PKD1: variants seen among roughly 807,000 people sequenced by gnomAD.
The protein encoded by PKD1 is polycystin 1, transient receptor potential channel interacting.
A neutral mutation model predicts 361.7 loss-of-function variants in PKD1; 81 were observed. The observed-to-expected ratio is 0.22, with a 90% CI of 0.19 to 0.27. PKD1 has a LOEUF of 0.27. PKD1 is among the 10% of genes least tolerant of loss of function. The probability of loss-of-function intolerance (pLI) is 1.00; values close to 1 mark genes in which losing one functional copy is unlikely to be tolerated. For missense variants in PKD1, 6,399 were observed against 6,118.3 expected (o/e 1.05, Z -1.53); for synonymous variants, 3,615 against 2,818.3 (o/e 1.28, Z -8.95).
intron 1 of PKD1, among the ~76,000 whole-genome samples, chr16:2,130,061 G>A (rs1441477546): frequency 6.6e-6 from 1 of 152,178 alleles, no homozygotes; most frequent in African/African-American, 2.4e-5. Flanking sequence ...TCGCGTACAG[G>A]AGTGAGCGTG....
intron 1 of PKD1, among the ~76,000 whole-genome samples, chr16:2,120,756 C>G (rs1161380793): frequency 6.6e-6 from 1 of 152,168 alleles, no homozygotes; most frequent in East Asian, 1.9e-4. Flanking sequence ...CGGTGGCTCA[C>G]TCCTGTAATG....
At chr16:2,092,931 AC>A in intron 38 of PKD1, 22 bp downstream of exon 38, 1 of 1,612,754 alleles carries the variant, frequency 6.2e-7, no homozygotes, top group Non-Finnish European at 8.5e-7. Flanking sequence ...CAGAAGACAG[AC>A]CAGTGCACCG....
Position 2,108,384 on chromosome 16 carries a change from C to T in PKD1, c.6783G>A (p.Glu2261=). ...CTGACCACACGCGGTATGAGCCACC[C>T]TCAATGATGGGCACCAGGCGCTCGG... ...VAPERLVPII[E]GGSYRVWSDT... Residue 2261 remains glutamate (E), a synonymous_variant, in exon 15 of 46, where the codon GAG becomes GAA. Transcript: ENST00000262304. 1.9e-6 allele frequency: 3 copies of T among 1,610,606 alleles called. No homozygotes were observed. The highest frequency in any genetic ancestry group is 1.7e-6 in the Non-Finnish European group (2 of 1,179,758).
At position 2,100,775 on chromosome 16, in the gene PKD1, T is replaced by C. The variant is rs1410112173; in HGVS notation, c.9398-209A>G. The C allele has an allele frequency of 1.7e-5, 10 of 594,388 alleles. 1 individual carries two copies. Among genetic ancestry groups the C allele is most frequent in the Admixed American group, 5.8e-5 (2 of 34,504 alleles). The allele number at this position is 594,388 out of a possible 1,614,324, so 36.8% of individuals were successfully genotyped here. ...ACCTCAAGGACATGATTAAGTTACATGGAAAGAACTGTAACTTGTGACATG... is the reference window on the plus strand; with the variant it reads ...ACCTCAAGGACATGATTAAGTTACACGGAAAGAACTGTAACTTGTGACATG... On this transcript the variant is annotated intron_variant, in intron 26 of 45. Coordinates refer to ENST00000262304, the MANE Select transcript of PKD1 (RefSeq NM_001009944.3). The surrounding 1 kb of genome is among the most constrained non-coding windows in gnomAD (Gnocchi z 4.4).
rs375044150 is a variant in PKD1 at position 2,110,445 on chromosome 16, G to A, written c.4722C>T (p.Ala1574=). ...GSVSFSTSLE[A]GSDVRYSWVL... Reference sequence around the variant, plus strand: ...CCCAGGAATAGCGCACATCACTGCCGGCCTCCAGCGACGTGCTGAAGCTCA... The same window carrying A: ...CCCAGGAATAGCGCACATCACTGCCAGCCTCCAGCGACGTGCTGAAGCTCA... Residue 1574 remains alanine (A), a synonymous_variant, in exon 15 of 46, where the codon GCC becomes GCT. Coordinates refer to ENST00000262304, the MANE Select transcript of PKD1 (RefSeq NM_001009944.3). 1.6e-5 allele frequency: 26 copies of A among 1,612,458 alleles called. No homozygotes were observed. Among genetic ancestry groups the A allele is most frequent in the African/African-American group, 5.3e-5 (4 of 74,928 alleles).
rs757842622 is a variant in PKD1, at chr16:2,109,675, G to C, written c.5492C>G (p.Thr1831Arg). 6.9e-6 allele frequency: 11 copies of C among 1,586,526 alleles called. No individual in the cohort carries two copies. Among genetic ancestry groups the C allele is most frequent in the Admixed American group, 1.8e-5 (1 of 55,892 alleles). ...SSVPFWGQLATGTNVSWCWAV... is the reference protein window; with the variant it reads ...SSVPFWGQLARGTNVSWCWAV... ...CCAGCACCAGCTCACATTGGTGCCC[G>C]TGGCCAGCTGCCCCCAAAAGGGCAC... is the stretch of plus-strand genomic sequence containing the variant. The change falls in exon 15 of 46, where the codon ACG becomes AGG. Residue 1831 changes from threonine to arginine, a missense_variant. Thr to Arg is a moderately conservative substitution (Grantham distance 71, BLOSUM62 -1). Coordinates refer to ENST00000262304, the MANE Select transcript of PKD1 (RefSeq NM_001009944.3).
At position 2,092,070 on chromosome 16, in the gene PKD1, G is replaced by C. The variant is rs149331148; in HGVS notation, c.11388C>G (p.Ala3796=). The C allele has an allele frequency of 2.0e-4, 319 of 1,612,780 alleles. 2 individuals carry two copies. In the Middle Eastern group the frequency reaches 2.3e-3, roughly 12 times the overall value. ...ESPHNGSGTW[A]YSAPDLLGAW... The stretch of plus-strand genomic sequence containing the variant: ...ACCCCAGCAGATCCGGCGCTGAATA[G>C]GCCCACGTCCCCGAGCCATTGTGAG... Residue 3796 remains alanine (A), a synonymous_variant, in exon 40 of 46, where the codon GCC becomes GCG. Coordinates refer to ENST00000262304, the MANE Select transcript of PKD1 (RefSeq NM_001009944.3).
In PKD1 at chr16:2,097,861, T is replaced by C. The variant is rs3869438; in HGVS notation, c.10167+7A>G. On this transcript the variant is annotated splice_region_variant and intron_variant, in intron 31 of 45. Transcript: ENST00000262304. ...GCCCAGCCCAGGACCCCCAGTAGAG[T>C]CCTCACCTCAGCGTGGAGGCCTGAG... is the stretch of plus-strand genomic sequence containing the variant. 32 of 1,606,676 alleles carry C rather than the reference T, an allele frequency of 2.0e-5. No homozygotes were observed. Among genetic ancestry groups the C allele is most frequent in the East Asian group, 4.5e-5 (2 of 44,856 alleles).
chr16:2,098,012 G>T (rs2091917000), intron 30 of PKD1, 28 bp from the exon 31 acceptor site: 3 of 1,355,352 alleles, frequency 2.2e-6, no homozygotes, highest in African/African-American at 2.9e-5. Flanking sequence ...TGGTCAGCGG[G>T]CGGCAGCTCA....
At position 2,100,431 on chromosome 16, in the gene PKD1, C is replaced by A. The variant is rs199738488; in HGVS notation, c.9533G>T (p.Ser3178Ile). Residue 3178 changes from serine (S) to isoleucine (I), a missense_variant, in exon 27 of 46, where the codon AGC becomes ATC. Coordinates refer to ENST00000262304, the MANE Select transcript of PKD1 (RefSeq NM_001009944.3). The surrounding 1 kb of genome is among the most constrained non-coding windows in gnomAD (Gnocchi z 4.4). The part of the protein sequence containing the change: ...FRIATPHSLG[S>I]VWKIRVWHDN... The stretch of plus-strand genomic sequence containing the variant: ...GTGCCACACTCGGATCTTCCACACG[C>A]TACCCAGGCTGTGCGGGGTGGCGAT... 4.0e-5 allele frequency: 65 copies of A among 1,611,110 alleles called. No individual in the cohort carries two copies. The highest frequency in any genetic ancestry group is 4.6e-5 in the Non-Finnish European group (54 of 1,179,776).
In PKD1 at chr16:2,090,887, G is replaced by A; in HGVS notation, c.12000C>T (p.Val4000=). 1 of 1,603,478 alleles carries A rather than the reference G, an allele frequency of 6.2e-7. No individual in the cohort carries two copies. Among genetic ancestry groups the A allele is most frequent in the Non-Finnish European group, 8.5e-7 (1 of 1,179,356 alleles). ...LAASLLFLLL[V]KAAQQLRFVR... is the part of the protein sequence containing the mutation. ...CGCCCACCGGCCCAGCCCTCACCTT[G>A]ACCAAAAGCAGGAAGAGCAGCGAGG... The change falls in exon 43 of 46, where the codon GTC becomes GTT. Residue 4000 remains valine (V), a synonymous_variant. Coordinates refer to ENST00000262304, the MANE Select transcript of PKD1 (RefSeq NM_001009944.3).
At chr16:2,114,136 T>A (rs1376137152) in intron 11 of PKD1, 34 bp downstream of exon 11, 1 of 1,584,262 alleles carries the variant, frequency 6.3e-7, no homozygotes, top group African/African-American at 1.3e-5. Context: ...GGCACCTGCC[T>A]GGGGGCTGGT....
rs1036702689 is a variant in PKD1, at chr16:2,091,917, G to C, written c.11412-11C>G. 2 of 1,611,470 alleles carry C rather than the reference G, an allele frequency of 1.2e-6. No homozygotes were observed. Among genetic ancestry groups the C allele is most frequent in the African/African-American group, 1.3e-5 (1 of 74,916 alleles). ...CCCCAGGACCATGCCCTGCCGGAGA[G>C]GGGTGGCGTGGGTGCCGCACCCCAG... On this transcript the variant is annotated splice_polypyrimidine_tract_variant and intron_variant, in intron 40 of 45. Transcript: ENST00000262304.
intron 34 of PKD1, chr16:2,094,942 G>A (rs2091781837): frequency 6.6e-6 from 1 of 152,286 alleles, no homozygotes. Context: ...GGGTCACACT[G>A]CACTGAATGC....
Position 2,100,885 on chromosome 16 carries a change from C to T in PKD1, c.9398-319G>A, listed in dbSNP as rs565302086. 4.3e-4 allele frequency: 198 copies of T among 455,790 alleles called. No individual in the cohort carries two copies. The highest frequency in any genetic ancestry group is 6.8e-4 in the Non-Finnish European group (166 of 245,392). The allele number at this position is 455,790 out of a possible 1,614,324, so 28.2% of individuals were successfully genotyped here. ...GTCCACGCCTCAGTCATGCCACAAC[C>T]GGTGACCCGCACCACACACCCGTCC... On this transcript the variant is annotated intron_variant, in intron 26 of 45. Coordinates refer to ENST00000262304, the MANE Select transcript of PKD1 (RefSeq NM_001009944.3). The surrounding 1 kb of genome is among the most constrained non-coding windows in gnomAD (Gnocchi z 4.4).
intron 1 of PKD1, among the ~76,000 whole-genome samples, chr16:2,126,821 G>C (rs1053887767): frequency 6.6e-6 from 1 of 152,262 alleles, no homozygotes; most frequent in Non-Finnish European, 1.5e-5. Flanking sequence ...CCCACGAGCA[G>C]GGGGAGAGGC....
rs1382027473 is a variant in PKD1, at chr16:2,117,853, C to T, written c.1139G>A (p.Arg380His). The T allele has an allele frequency of 5.4e-6, 7 of 1,295,156 alleles. No homozygotes were observed. The highest frequency in any genetic ancestry group is 2.5e-5 in the East Asian group (1 of 39,736). 80.2% of individuals were successfully genotyped at this position (1,295,156 alleles called of 1,614,324 possible). Residue 380 changes from arginine to histidine, a missense_variant, in exon 5 of 46, where the codon CGC becomes CAC. Physicochemically the swap from Arg to His is conservative, Grantham distance 29. Coordinates refer to ENST00000262304, the MANE Select transcript of PKD1 (RefSeq NM_001009944.3). ...DESLDLSIQN[R>H]GGSGLEAAYS... ...GGCGGCCTCCAGGCCTGAACCACCG[C>T]GGTTCTGGATGCTGAGGTCGAGGCT...
rs949779924 is a variant in PKD1 at position 2,103,327 on chromosome 16, G to A, written c.8730C>T (p.Thr2910=). 12 of 1,607,236 alleles carry A rather than the reference G, an allele frequency of 7.5e-6. No individual in the cohort carries two copies. The highest frequency in any genetic ancestry group is 1.1e-5 in the South Asian group (1 of 90,980). ...CGGCCGCAGGGTTGCTGCTGTCCAG[G>A]GTGACCACAGCACCGACGGAGGCCT... ...QPQASVGAVV[T]LDSSNPAAGL... Residue 2910 remains threonine (T), a synonymous_variant, in exon 23 of 46, where the codon ACC becomes ACT. Coordinates refer to ENST00000262304, the MANE Select transcript of PKD1 (RefSeq NM_001009944.3).
chr16:2,127,788 T>TG (rs2092817764), intron 1 of PKD1, among the ~76,000 whole-genome samples: 1 of 150,748 alleles, frequency 6.6e-6, no homozygotes, highest in South Asian at 2.1e-4. Context: ...GTGGAGGCGC[T>TG]GGGACGTGAA....
Sources: gnomAD v4.1 joint callset for allele counts (sites outside exome capture counted in the v4.1 genomes callset) on GRCh38, gnomAD v4.1.1 for gene constraint, Gnocchi (gnomAD v3.1) non-coding constraint, MANE v1.5 for transcripts, NCBI Gene and HGNC (gene_info 2026-07-23, HGNC 2026-07-21) for gene names.